ASCC3: variants seen among roughly 807,000 people sequenced by gnomAD.
ASCC3 encodes ASC-1 complex subunit P200.
In ASCC3, 158 loss-of-function variants were observed where a neutral mutation model predicts 256.3. That is an observed-to-expected ratio of 0.62 (90% CI 0.54 to 0.70). ASCC3 has a LOEUF of 0.70. Among genes scored for constraint, ASCC3 ranks in the 30% least tolerant of loss-of-function variants. ASCC3 has a pLI of 0.00. For missense variants in ASCC3, 2,259 were observed against 2,626.0 expected (o/e 0.86, Z 3.05); for synonymous variants, 948 against 883.4 (o/e 1.07, Z -1.30).
intron 25 of ASCC3, among the ~76,000 whole-genome samples, chr6:100,631,892 GAA>G (rs772569723): frequency 5.9e-5 from 9 of 151,894 alleles, no homozygotes; most frequent in Non-Finnish European, 1.3e-4. Context: ...TGAAAAGTAG[GAA>G]AACTTAGGGT....
chr6:100,814,979 T>TG (rs1770669875), intron 4 of ASCC3, among the ~76,000 whole-genome samples: 2 of 152,142 alleles, frequency 1.3e-5, no homozygotes, highest in African/African-American at 4.8e-5. Flanking sequence ...CTCCTAGTTT[T>TG]GGGGGTTGGT....
At chr6:100,577,504 G>A (rs947860148) in intron 36 of ASCC3, among the ~76,000 whole-genome samples, 3 of 151,950 alleles carry the variant, frequency 2.0e-5, no homozygotes, top group Non-Finnish European at 2.9e-5. Flanking sequence ...TGAGGCCACC[G>A]GAAATGTATA....
intron 4 of ASCC3, among the ~76,000 whole-genome samples, chr6:100,833,289 A>C (rs1014190148): frequency 6.6e-6 from 1 of 152,168 alleles, no homozygotes; most frequent in African/African-American, 2.4e-5. Context: ...GTGGTTCCCA[A>C]GGCTACAGGG....
chr6:100,750,844 C>G (rs13205141), intron 10 of ASCC3, among the ~76,000 whole-genome samples: 1 of 151,936 alleles, frequency 6.6e-6, no homozygotes, highest in Admixed American at 6.6e-5. Flanking sequence ...GGTGACCACT[C>G]AAGTGTGTAG....
chr6:100,527,821 C>A (rs1224644657), intron 37 of ASCC3, among the ~76,000 whole-genome samples: 1 of 151,762 alleles, frequency 6.6e-6, no homozygotes, highest in African/African-American at 2.4e-5. Context: ...GATATACACA[C>A]ACATCTTCTT....
chr6:100,578,432 A>C (rs1340701392), intron 36 of ASCC3, among the ~76,000 whole-genome samples: 2 of 151,906 alleles, frequency 1.3e-5, no homozygotes, highest in East Asian at 3.9e-4. Context: ...CTACACATTC[A>C]AGTAGGCCCT....
chr6:100,725,503 C>T (rs1779577735), intron 11 of ASCC3, 36 bp downstream of exon 11: 1 of 1,602,380 alleles, frequency 6.2e-7, no homozygotes, highest in African/African-American at 1.3e-5. Flanking sequence ...ACATATTTAT[C>T]CCTTCAAAAT....
At chr6:100,678,772 T>C (rs1180406226) in intron 14 of ASCC3, among the ~76,000 whole-genome samples, 1 of 152,118 alleles carries the variant, frequency 6.6e-6, no homozygotes, top group Non-Finnish European at 1.5e-5. Flanking sequence ...AGAAAGTAAT[T>C]TACAGTAGCT....
At chr6:100,737,134 G>C (rs1263434426) in intron 10 of ASCC3, among the ~76,000 whole-genome samples, 4 of 130,936 alleles carry the variant, frequency 3.1e-5, no homozygotes, top group African/African-American at 8.6e-5. Flanking sequence ...GCAACAGAGT[G>C]AGACTCCGTC....
At chr6:100,774,660 C>A (rs745820029) in intron 8 of ASCC3, among the ~76,000 whole-genome samples, 1 of 152,206 alleles carries the variant, frequency 6.6e-6, no homozygotes, top group South Asian at 2.1e-4. Context: ...CCACTGCACC[C>A]GGCCCTAACT....
intron 36 of ASCC3, among the ~76,000 whole-genome samples, chr6:100,572,604 A>C (rs1770650003): frequency 6.6e-6 from 1 of 152,170 alleles, no homozygotes; most frequent in Non-Finnish European, 1.5e-5. Context: ...AAACTTATAA[A>C]AGTAGTATTA....
chr6:100,701,093 C>G (rs1778332890), intron 13 of ASCC3, among the ~76,000 whole-genome samples: 1 of 152,156 alleles, frequency 6.6e-6, no homozygotes, highest in African/African-American at 2.4e-5. Context: ...ATGGGAGGAA[C>G]CCGGTTGGAG....
In ASCC3 at chr6:100,815,499, G is replaced by A. The variant is rs562316192; in HGVS notation, c.802-9619C>T. ...GACAGAACAAAGCTGAAGATATCATGTTACCTGACTTCAAACTACTACATG... is the reference window on the plus strand; with the variant it reads ...GACAGAACAAAGCTGAAGATATCATATTACCTGACTTCAAACTACTACATG... On this transcript the variant is annotated intron_variant, in intron 4 of 41. Coordinates refer to ENST00000369162, the MANE Select transcript of ASCC3 (RefSeq NM_006828.4). Among the ~76,000 whole-genome samples the A allele has an allele frequency of 3.0e-4, 46 of 152,028 alleles. 2 individuals carry two copies. In the South Asian group the frequency reaches 9.5e-3, roughly 32 times the overall value.
chr6:100,782,692 C>T (rs1267574608), intron 8 of ASCC3, among the ~76,000 whole-genome samples: 1 of 141,040 alleles, frequency 7.1e-6, no homozygotes, highest in Non-Finnish European at 1.5e-5. Flanking sequence ...TATGGCATAT[C>T]CATACAATGA....
intron 10 of ASCC3, among the ~76,000 whole-genome samples, chr6:100,761,394 G>A (rs1245476162): frequency 6.6e-6 from 1 of 152,160 alleles, no homozygotes; most frequent in Non-Finnish European, 1.5e-5. Flanking sequence ...AGGCTGAGAG[G>A]AGAGGATCGC....
Position 100,800,338 on chromosome 6 carries a change from T to G in ASCC3, c.1089A>C (p.Gly363=). 1 of 1,613,008 alleles carries G rather than the reference T, an allele frequency of 6.2e-7. No individual in the cohort carries two copies. The highest frequency in any genetic ancestry group is 8.5e-7 in the Non-Finnish European group (1 of 1,179,304). The change falls in exon 6 of 42, where the codon GGA becomes GGC. Residue 363 remains glycine, a synonymous_variant. Coordinates refer to ENST00000369162, the MANE Select transcript of ASCC3 (RefSeq NM_006828.4). ...ATTCCTTAGGATCAAAGCACATAAG[T>G]CCTTCTGAAACTTCTAAATCTTCTC... The part of the protein sequence containing the change: ...KAGEDLEVSE[G]LMCFDPKELR...
intron 10 of ASCC3, among the ~76,000 whole-genome samples, chr6:100,749,700 T>C (rs1476376251): frequency 3.3e-5 from 5 of 151,842 alleles, no homozygotes; most frequent in African/African-American, 9.7e-5. Flanking sequence ...CTAAGAACAA[T>C]AGGTAGTAAA....
intron 30 of ASCC3, among the ~76,000 whole-genome samples, chr6:100,613,874 T>C (rs78558665): frequency 0.015 from 2,341 of 152,238 alleles, 23 homozygotes; most frequent in East Asian, 0.044. Flanking sequence ...TAATATCTCA[T>C]TGTGGTTTTA....
At chr6:100,606,652 T>C (rs1772902865) in intron 32 of ASCC3, 88 bp downstream of exon 32, 17 of 1,403,698 alleles carry the variant, frequency 1.2e-5, no homozygotes, top group Non-Finnish European at 1.6e-5. Flanking sequence ...GAAGTTTAAT[T>C]GGTGGAAATT....
Sources: gnomAD v4.1 joint callset for allele counts (sites outside exome capture counted in the v4.1 genomes callset) on GRCh38, gnomAD v4.1.1 for gene constraint, MANE v1.5 for transcripts, NCBI Gene and HGNC (gene_info 2026-07-23, HGNC 2026-07-21) for gene names.